The following ESRP1 variants were observed in gnomAD, a reference collection of about 807,000 sequenced individuals.
ESRP1 encodes the protein RNA-binding motif protein 35A.
A neutral mutation model predicts 81.7 loss-of-function variants in ESRP1; 33 were observed. The observed-to-expected ratio is 0.40, with a 90% CI of 0.31 to 0.54. ESRP1 has a LOEUF of 0.54. Ranked by LOEUF, ESRP1 falls within the 20% of genes least tolerant of loss-of-function variation. ESRP1 has a pLI of 0.41. For synonymous variants in ESRP1, 320 were observed against 303.3 expected, an observed-to-expected ratio of 1.06 and a Z score of -0.57; for missense variants, 672 against 833.1, an observed-to-expected ratio of 0.81 and a Z score of 2.38.
intron 12 of ESRP1, 33 bp downstream of exon 12, chr8:94,674,539 C>G: frequency 6.3e-7 from 1 of 1,585,828 alleles, no homozygotes; most frequent in Non-Finnish European, 8.6e-7. Flanking sequence ...CGCTATTCTA[C>G]GCTATATGCT....
intron 12 of ESRP1, among the ~76,000 whole-genome samples, chr8:94,675,317 C>T (rs971710336): frequency 3.3e-5 from 5 of 152,162 alleles, no homozygotes; most frequent in Non-Finnish European, 7.3e-5. Context: ...CAGTACAGTT[C>T]AAAGATAACT....
chr8:94,662,779 T>G lies in ESRP1; in HGVS notation c.644+224T>G, dbSNP rs185471811. Among the ~76,000 whole-genome samples, 2 of 152,126 alleles carry G rather than the reference T, an allele frequency of 1.3e-5. 1 individual carries two copies. The highest frequency in any genetic ancestry group is 4.1e-4 in the South Asian group (2 of 4,828). ...CCCGCTACCATACCTGGCTAATTTT[T>G]TTGTAGTTTTAGTAGAGATGGGGTT... is the stretch of plus-strand genomic sequence containing the variant. On this transcript the variant is annotated intron_variant, in intron 6 of 15. Transcript: ENST00000433389.
Position 94,678,385 on chromosome 8 carries a change from A to G in ESRP1, c.1820+14A>G, listed in dbSNP as rs748965564. 18 of 1,605,656 alleles carry G rather than the reference A, an allele frequency of 1.1e-5. No homozygotes were observed. The African/African-American group carries it at 2.3e-4, about 20-fold the overall frequency. On this transcript the variant is annotated intron_variant, in intron 13 of 15. Coordinates refer to ENST00000433389, the MANE Select transcript of ESRP1 (RefSeq NM_017697.4). ...GTACTATCCCAGGTAAGGCTCTGAC[A>G]GAGGTGGAAATGAGGGGCAGAAACA...
chr8:94,651,682 T>A lies in ESRP1; in HGVS notation c.490+5400T>A, dbSNP rs565202716. On this transcript the variant is annotated intron_variant, in intron 4 of 15. Transcript: ENST00000433389. The stretch of plus-strand genomic sequence containing the variant: ...CCCAGGCTGGAGTGCAATGATGCAA[T>A]CTTGGCTCACTGCAACTTCCACCTC... Among the ~76,000 whole-genome samples, 3 of 152,146 alleles carry A rather than the reference T, an allele frequency of 2.0e-5. No homozygotes were observed. In the South Asian group the frequency reaches 6.2e-4, roughly 32 times the overall value.
chr8:94,641,844 G>C, intron 1 of ESRP1, 112 bp from the exon 2 acceptor site: 2 of 1,496,638 alleles, frequency 1.3e-6, no homozygotes, highest in Non-Finnish European at 1.8e-6. Flanking sequence ...TTGATTCTGC[G>C]TCCGGACCCC....
intron 4 of ESRP1, among the ~76,000 whole-genome samples, chr8:94,661,343 C>T (rs991746430): frequency 1.3e-5 from 2 of 152,108 alleles, no homozygotes; most frequent in Non-Finnish European, 2.9e-5. Flanking sequence ...TGCCCATCTG[C>T]AACAAAGCAT....
At chr8:94,687,039 T>A (rs969546806) in intron 13 of ESRP1, among the ~76,000 whole-genome samples, 9 of 152,212 alleles carry the variant, frequency 5.9e-5, no homozygotes, top group Admixed American at 5.2e-4. Context: ...AATTGTAGAA[T>A]AATTTTACAA....
In ESRP1 at chr8:94,668,081, G is replaced by A. The variant is rs1819115900; in HGVS notation, c.1064G>A (p.Gly355Glu). 1 of 1,614,006 alleles carries A rather than the reference G, an allele frequency of 6.2e-7. No individual in the cohort carries two copies. Among genetic ancestry groups the A allele is most frequent in the Non-Finnish European group, 8.5e-7 (1 of 1,179,882 alleles). The part of the protein sequence containing the change: ...FFGQHCPITG[G>E]KEGILFVTYP... ...GGACAGCATTGCCCTATTACTGGGG[G>A]AAAGGAAGGCATCCTCTTTGTCACC... is the stretch of plus-strand genomic sequence containing the variant. The change falls in exon 10 of 16, where the codon GGA (glycine) becomes GAA (glutamate). Residue 355 changes from glycine to glutamate, a missense_variant. Gly to Glu is a moderately conservative substitution (Grantham distance 98). Transcript: ENST00000433389.
chr8:94,645,009 A>G (rs529133890), intron 3 of ESRP1, among the ~76,000 whole-genome samples: 1 of 152,332 alleles, frequency 6.6e-6, no homozygotes, highest in Non-Finnish European at 1.5e-5. Context: ...TAACCACTAA[A>G]TAAAATACTC....
At chr8:94,648,954 C>T (rs1014417374) in intron 4 of ESRP1, among the ~76,000 whole-genome samples, 1 of 152,228 alleles carries the variant, frequency 6.6e-6, no homozygotes, top group Admixed American at 6.5e-5. Context: ...GGCACGGTGG[C>T]TCATGCCTGT....
Position 94,641,424 on chromosome 8 carries a change from A to C in ESRP1, c.106A>C (p.Lys36Gln). 5.0e-6 allele frequency: 8 copies of C among 1,613,748 alleles called. No individual in the cohort carries two copies. Among genetic ancestry groups the C allele is most frequent in the Non-Finnish European group, 5.9e-6 (7 of 1,179,848 alleles). The change falls in exon 1 of 16, where the codon AAA becomes CAA. Residue 36 changes from lysine to glutamine, a missense_variant. By Grantham distance (53) the Lys-to-Gln change is moderately conservative. Coordinates refer to ENST00000433389, the MANE Select transcript of ESRP1 (RefSeq NM_017697.4). ...DEKELILLFW[K>Q]VVDLANKKVG... ...GAAGGAGTTGATCCTGCTGTTCTGG[A>C]AAGTCGTGGATCTGGCCAACAAGAA...
intron 14 of ESRP1, among the ~76,000 whole-genome samples, chr8:94,694,712 GATAAC>G (rs1187520944): frequency 6.6e-6 from 1 of 152,208 alleles, no homozygotes; most frequent in African/African-American, 2.4e-5. Flanking sequence ...TCAAAATTTA[GATAAC>G]ATAACTTCAG....
intron 13 of ESRP1, among the ~76,000 whole-genome samples, chr8:94,681,195 G>A (rs1808863016): frequency 1.3e-5 from 2 of 151,650 alleles, no homozygotes; most frequent in Non-Finnish European, 2.9e-5. Context: ...GCGTGGTGAT[G>A]GGTGCCTATA....
At chr8:94,694,790 T>C (rs566908314) in intron 14 of ESRP1, among the ~76,000 whole-genome samples, 5 of 152,344 alleles carry the variant, frequency 3.3e-5, no homozygotes, top group African/African-American at 1.2e-4. Flanking sequence ...TAGAGTTGTC[T>C]AGTATAACCA....
rs57801249 is a variant in ESRP1 at position 94,705,156 on chromosome 8, C to CTTTTTTTT, written c.*36-747_*36-740dup. 9.5e-4 allele frequency among the ~76,000 whole-genome samples: 86 copies of CTTTTTTTT among 90,522 alleles called. 7 individuals carry two copies. The highest frequency in any genetic ancestry group is 2.0e-3 in the East Asian group (6 of 3,012). The allele number at this position is 90,522 out of a possible 152,430, so 59.4% of individuals were successfully genotyped here. ...TTTGCTGTTATGTCATGCCTTATTGCTTTTTTTTTTTTTTTTTTTTTTTTT... is the reference window on the plus strand; with the variant it reads ...TTTGCTGTTATGTCATGCCTTATTGCTTTTTTTTTTTTTTTTTTTTTTTTTTTTTTTTT... On this transcript the variant is annotated intron_variant, in intron 15 of 15. Transcript: ENST00000433389.
intron 15 of ESRP1, among the ~76,000 whole-genome samples, chr8:94,702,811 C>G (rs1291418686): frequency 6.6e-6 from 1 of 152,232 alleles, no homozygotes; most frequent in South Asian, 2.1e-4. Flanking sequence ...CTTAGCCTCC[C>G]TGGTAGCTGA....
intron 4 of ESRP1, among the ~76,000 whole-genome samples, chr8:94,648,791 T>G (rs1310289539): frequency 6.6e-6 from 1 of 152,250 alleles, no homozygotes; most frequent in Non-Finnish European, 1.5e-5. Flanking sequence ...GTGAAATACT[T>G]GTATCCTTGA....
intron 15 of ESRP1, among the ~76,000 whole-genome samples, chr8:94,702,065 G>T (rs751354586): frequency 2.0e-5 from 3 of 152,156 alleles, no homozygotes; most frequent in Admixed American, 6.6e-5. Flanking sequence ...ACGACAGAGC[G>T]AGAGTTAATG....
intron 4 of ESRP1, among the ~76,000 whole-genome samples, chr8:94,654,388 G>C (rs531087067): frequency 1.2e-4 from 18 of 152,250 alleles, no homozygotes. Context: ...GTTTTAGAAA[G>C]CTTCGGAAGA....
Sources: allele counts gnomAD v4.1 joint callset (sites outside exome capture counted in the v4.1 genomes callset), GRCh38; gene constraint gnomAD v4.1.1; transcripts MANE v1.5; gene names NCBI Gene and HGNC (gene_info 2026-07-23, HGNC 2026-07-21).